The following ZNF32 variants were observed in gnomAD, a reference collection of about 807,000 sequenced individuals.
ZNF32 encodes the protein zinc finger protein 32.
In ZNF32, 13 loss-of-function variants were observed where a neutral mutation model predicts 24.4. The ratio of observed to expected loss-of-function variants is 0.53; its 90% CI spans 0.35 to 0.85. ZNF32 has a LOEUF of 0.85. Ranked by LOEUF, ZNF32 falls within the 40% of genes least tolerant of loss-of-function variation. The probability of loss-of-function intolerance (pLI) is 0.01; values close to 1 mark genes in which losing one functional copy is unlikely to be tolerated. For synonymous variants in ZNF32, 115 were observed against 117.4 expected, an observed-to-expected ratio of 0.98 and a Z score of 0.13; for missense variants, 239 against 325.3, an observed-to-expected ratio of 0.73 and a Z score of 2.04.
At chr10:43,647,067 T>A (rs1263817390) in intron 1 of ZNF32, 1 of 152,184 alleles carries the variant, frequency 6.6e-6, no homozygotes. Context: ...AATTATTTTT[T>A]AATTTTTTTA....
At chr10:43,646,478 A>T (rs1839294825) in intron 1 of ZNF32, among the ~76,000 whole-genome samples, 1 of 152,192 alleles carries the variant, frequency 6.6e-6, no homozygotes. Flanking sequence ...TCCTGTTTAC[A>T]CTTTGGTCTT....
rs557704675 is a variant in ZNF32 at position 43,646,231 on chromosome 10, C to T, written c.-69-29G>A. On this transcript the variant is annotated intron_variant, in intron 1 of 2. Transcript: ENST00000374433. ...AGGGAGAAAAACAAACAGAAACAAACAGGAAAGGGCAGAATAATTGATATG... is the reference window on the plus strand; with the variant it reads ...AGGGAGAAAAACAAACAGAAACAAATAGGAAAGGGCAGAATAATTGATATG... The T allele has an allele frequency of 9.1e-6, 12 of 1,322,394 alleles. No individual in the cohort carries two copies. In the East Asian group the frequency reaches 2.7e-4, roughly 30 times the overall value. 81.9% of individuals were successfully genotyped at this position (1,322,394 alleles called of 1,614,324 possible).
intron 1 of ZNF32, among the ~76,000 whole-genome samples, chr10:43,648,431 C>G (rs1210193138): frequency 1.3e-5 from 2 of 152,136 alleles, no homozygotes; most frequent in East Asian, 1.9e-4. Context: ...ACCGGCTTCC[C>G]GCACTCGCTG....
At chr10:43,648,406 C>G (rs1329547179) in intron 1 of ZNF32, among the ~76,000 whole-genome samples, 2 of 152,150 alleles carry the variant, frequency 1.3e-5, no homozygotes, top group African/African-American at 4.8e-5. Context: ...TCTCCTCCCA[C>G]CCCGGAAGGC....
chr10:43,646,186 GGGCT>G lies in ZNF32; in HGVS notation c.-57_-54del, dbSNP rs1839280742. On this transcript the variant is annotated 5_prime_UTR_variant, in exon 2 of 3. Transcript: ENST00000374433. Reference sequence around the variant, plus strand: ...CCACCTCTTCATATGATTCTTCCATGGGCTGTTCCTGAGCACCTGAGGGAGAAAA... The same window carrying G: ...CCACCTCTTCATATGATTCTTCCATGGTTCCTGAGCACCTGAGGGAGAAAA... 1 of 1,602,548 alleles carries G rather than the reference GGGCT, an allele frequency of 6.2e-7. No homozygotes were observed. Among genetic ancestry groups the G allele is most frequent in the South Asian group, 1.1e-5 (1 of 89,970 alleles).
At chr10:43,645,518 C>T (rs1839257853) in intron 2 of ZNF32, among the ~76,000 whole-genome samples, 1 of 152,202 alleles carries the variant, frequency 6.6e-6, no homozygotes, top group African/African-American at 2.4e-5. Context: ...GTTAAATAAC[C>T]TGTCTGATAC....
rs1839289927 is a variant in ZNF32, at chr10:43,646,393, G to A, written c.-69-191C>T. 6.9e-6 allele frequency: 3 copies of A among 436,368 alleles called. No homozygotes were observed. In the South Asian group the frequency reaches 8.1e-5, roughly 12 times the overall value. 27.0% of individuals were successfully genotyped at this position (436,368 alleles called of 1,614,324 possible). On this transcript the variant is annotated intron_variant, in intron 1 of 2. Transcript: ENST00000374433. Reference sequence around the variant, plus strand: ...CAGGACCACACACAAATGAGTCTAGGAGGAAGCAGGATGTGGGAAAGCAGA... The same window carrying A: ...CAGGACCACACACAAATGAGTCTAGAAGGAAGCAGGATGTGGGAAAGCAGA...
intron 2 of ZNF32, 148 bp downstream of exon 2, chr10:43,645,916 C>A: frequency 7.0e-7 from 1 of 1,424,650 alleles, no homozygotes; most frequent in South Asian, 1.5e-5. Flanking sequence ...CTAACTCCAG[C>A]TCACAGGCTT....
intron 2 of ZNF32, among the ~76,000 whole-genome samples, chr10:43,645,471 T>C (rs375712566): frequency 6.6e-6 from 1 of 152,214 alleles, no homozygotes; most frequent in African/African-American, 2.4e-5. Flanking sequence ...ATAGAACTTA[T>C]TGTCCTATTT....
rs930653800 is a variant in ZNF32 at position 43,644,966 on chromosome 10, G to A, written c.71-165C>T. The stretch of plus-strand genomic sequence containing the variant: ...GCCATGAGAGTGATACAGATAATGG[G>A]AGCAAAGGGAGCCTGTCAAAGGTCA... On this transcript the variant is annotated intron_variant, in intron 2 of 2. Transcript: ENST00000374433. The surrounding 1 kb of genome is among the most constrained non-coding windows in gnomAD (Gnocchi z 5.3). 29 of 787,416 alleles carry A rather than the reference G, an allele frequency of 3.7e-5. No homozygotes were observed. Among genetic ancestry groups the A allele is most frequent in the Non-Finnish European group, 5.6e-5 (29 of 515,868 alleles). The allele number at this position is 787,416 out of a possible 1,614,324, so 48.8% of individuals were successfully genotyped here.
chr10:43,645,826 C>T, intron 2 of ZNF32: 2 of 715,388 alleles, frequency 2.8e-6, no homozygotes, highest in Non-Finnish European at 4.0e-6. Context: ...GAGATTTAAG[C>T]TGCTCATTCA....
At chr10:43,646,516 G>T (rs1282570706) in intron 1 of ZNF32, among the ~76,000 whole-genome samples, 1 of 152,104 alleles carries the variant, frequency 6.6e-6, no homozygotes, top group East Asian at 1.9e-4. Flanking sequence ...TTCCATTTTG[G>T]TTCCCCACCT....
rs1839419010 is a variant in ZNF32, at chr10:43,648,815, G to A, written c.-83C>T. 6.6e-6 allele frequency: 1 copy of A among 152,134 alleles called. No individual in the cohort carries two copies. The highest frequency in any genetic ancestry group is 1.9e-4 in the East Asian group (1 of 5,156). The allele number at this position is 152,134 out of a possible 1,614,324, so 9.4% of individuals were successfully genotyped here. ...GGCCTCACTCACCGCAGCGGCGCGTGCCCGCAGACAAAGGCCGGCGCCGAG... is the reference window on the plus strand; with the variant it reads ...GGCCTCACTCACCGCAGCGGCGCGTACCCGCAGACAAAGGCCGGCGCCGAG... On this transcript the variant is annotated 5_prime_UTR_variant, in exon 1 of 3. Transcript: ENST00000374433.
chr10:43,647,641 T>A lies in ZNF32; in HGVS notation c.-70+1161A>T, dbSNP rs573441609. 15 of 152,360 alleles carry A rather than the reference T, an allele frequency of 9.8e-5. No homozygotes were observed. In the South Asian group the frequency reaches 3.1e-3, roughly 32 times the overall value. The allele number at this position is 152,360 out of a possible 1,614,324, so 9.4% of individuals were successfully genotyped here. ...ACCAGGAGAATCATTTAAATTTTTATTTGGAGGACTCACTTCCAACTTGGA... is the reference window on the plus strand; with the variant it reads ...ACCAGGAGAATCATTTAAATTTTTAATTGGAGGACTCACTTCCAACTTGGA... On this transcript the variant is annotated intron_variant, in intron 1 of 2. Transcript: ENST00000374433.
intron 1 of ZNF32, 114 bp from the exon 2 acceptor site, chr10:43,646,316 T>C (rs1220019318): frequency 1.1e-5 from 7 of 661,876 alleles, no homozygotes; most frequent in African/African-American, 1.8e-5. Context: ...CCTAGATTGT[T>C]TGACATAATG....
At chr10:43,645,960 A>C in intron 2 of ZNF32, 104 bp downstream of exon 2, 1 of 1,541,176 alleles carries the variant, frequency 6.5e-7, no homozygotes, top group Non-Finnish European at 8.7e-7. Context: ...AGCTCTACCA[A>C]AGCAAGGTCT....
chr10:43,648,264 G>A (rs1002364316), intron 1 of ZNF32, among the ~76,000 whole-genome samples: 1 of 152,212 alleles, frequency 6.6e-6, no homozygotes, highest in African/African-American at 2.4e-5. Context: ...GTCCTCTGGA[G>A]GGCGGATGAG....
At chr10:43,646,750 G>A (rs1839306521) in intron 1 of ZNF32, among the ~76,000 whole-genome samples, 2 of 152,256 alleles carry the variant, frequency 1.3e-5, no homozygotes, top group South Asian at 4.2e-4. Context: ...TACCAGTTCT[G>A]ACCAAGTGTA....
At position 43,648,819 on chromosome 10, in the gene ZNF32, GCAGA is replaced by G. The variant is rs890955455; in HGVS notation, c.-91_-88del. ...TCACTCACCGCAGCGGCGCGTGCCC[GCAGA>G]CAAAGGCCGGCGCCGAGCCCGCAGC... On this transcript the variant is annotated 5_prime_UTR_variant, in exon 1 of 3. Transcript: ENST00000374433. 5 of 151,914 alleles carry G rather than the reference GCAGA, an allele frequency of 3.3e-5. No individual in the cohort carries two copies. Among genetic ancestry groups the G allele is most frequent in the Non-Finnish European group, 7.4e-5 (5 of 67,898 alleles). The allele number at this position is 151,914 out of a possible 1,614,324, so 9.4% of individuals were successfully genotyped here.
Sources: gnomAD v4.1 joint callset for allele counts (sites outside exome capture counted in the v4.1 genomes callset) on GRCh38, gnomAD v4.1.1 for gene constraint, Gnocchi (gnomAD v3.1) non-coding constraint, MANE v1.5 for transcripts, NCBI Gene and HGNC (gene_info 2026-07-23, HGNC 2026-07-21) for gene names.